The following DNMT3B variants were observed in gnomAD, a reference collection of about 807,000 sequenced individuals.
The protein encoded by DNMT3B is DNA methyltransferase 3 beta, also known as DNA (cytosine-5)-methyltransferase 3B.
A neutral mutation model predicts 120.2 loss-of-function variants in DNMT3B; 37 were observed. The ratio of observed to expected loss-of-function variants is 0.31; its 90% confidence interval spans 0.24 to 0.40. The LOEUF is 0.40. Among genes scored for constraint, DNMT3B ranks in the 10% least tolerant of loss-of-function variants. The pLI is 1.00. For synonymous variants in DNMT3B, 412 were observed against 442.8 expected, an observed-to-expected ratio of 0.93 and a Z score of 0.87; for missense variants, 878 against 1,137.3, an observed-to-expected ratio of 0.77 and a Z score of 3.28.
intron 20 of DNMT3B, among the ~76,000 whole-genome samples, chr20:32,802,749 C>T (rs1374484882): frequency 6.6e-6 from 1 of 152,044 alleles, no homozygotes; most frequent in African/African-American, 2.4e-5. Flanking sequence ...CCTGTAATCC[C>T]AGCACTTTGG....
At chr20:32,794,366 C>T (rs866390236) in intron 10 of DNMT3B, among the ~76,000 whole-genome samples, 2 of 119,364 alleles carry the variant, frequency 1.7e-5, no homozygotes, top group Non-Finnish European at 3.5e-5. Flanking sequence ...AAAAAAAAAA[C>T]CAAAACAGAA....
chr20:32,807,985 C>T lies in DNMT3B; in HGVS notation c.*82C>T. The T allele has an allele frequency of 1.2e-6, 2 of 1,608,830 alleles. No homozygotes were observed. Among genetic ancestry groups the T allele is most frequent in the Non-Finnish European group, 8.5e-7 (1 of 1,177,092 alleles). The stretch of plus-strand genomic sequence containing the variant: ...GTGATTCCTGAAGGCATCCCCAGGC[C>T]CTGCTCTTCCTCAGCTGTGTGGGTC... On this transcript the variant is annotated 3_prime_UTR_variant, in exon 23 of 23. Coordinates refer to ENST00000328111, the MANE Select transcript of DNMT3B (RefSeq NM_006892.4).
At chr20:32,770,391 C>T (rs1335296522) in intron 1 of DNMT3B, among the ~76,000 whole-genome samples, 7 of 151,878 alleles carry the variant, frequency 4.6e-5, no homozygotes, top group African/African-American at 9.7e-5. Context: ...CAGGTTCAAG[C>T]GATTCTCCTG....
At chr20:32,796,943 C>A (rs1721682806) in intron 13 of DNMT3B, 74 bp downstream of exon 13, 1 of 1,613,966 alleles carries the variant, frequency 6.2e-7, no homozygotes, top group Admixed American at 1.7e-5. Flanking sequence ...CCCAACAGCA[C>A]CTGTGTGGAG....
chr20:32,762,634 C>T lies in DNMT3B; in HGVS notation c.-72C>T. The T allele has an allele frequency of 7.2e-6, 2 of 277,308 alleles. No homozygotes were observed. Among genetic ancestry groups the T allele is most frequent in the Non-Finnish European group, 1.5e-5 (2 of 133,124 alleles). 17.2% of individuals were successfully genotyped at this position (277,308 alleles called of 1,614,324 possible). On this transcript the variant is annotated 5_prime_UTR_variant, in exon 1 of 23. Transcript: ENST00000328111. ...GCGCCCTGCACGGCCGCCAGCCGGC[C>T]TCCCGCCAGCCAGCCCCGACCCGCG...
chr20:32,794,997 T>G (rs547177815), intron 10 of DNMT3B, among the ~76,000 whole-genome samples: 12 of 152,372 alleles, frequency 7.9e-5, no homozygotes, highest in South Asian at 2.1e-4. Flanking sequence ...TTAGTTGACT[T>G]ACTTGTCAGT....
intron 1 of DNMT3B, among the ~76,000 whole-genome samples, chr20:32,779,058 A>G (rs1165165449): frequency 6.6e-6 from 1 of 152,208 alleles, no homozygotes; most frequent in Non-Finnish European, 1.5e-5. Context: ...AGCCCGAGGC[A>G]GGGAGGCCCG....
chr20:32,768,249 G>A, intron 1 of DNMT3B, among the ~76,000 whole-genome samples: 1 of 147,990 alleles, frequency 6.8e-6, no homozygotes, highest in African/African-American at 2.5e-5. Context: ...AGGCTGGAGT[G>A]CAATGGCGGG....
rs1265167324 is a variant in DNMT3B at position 32,795,687 on chromosome 20, C to T, written c.1290C>T (p.Ser430=). 1.2e-6 allele frequency: 2 copies of T among 1,614,128 alleles called. No homozygotes were observed. The highest frequency in any genetic ancestry group is 1.7e-6 in the Non-Finnish European group (2 of 1,180,040). The change falls in exon 12 of 23, where the codon AGC becomes AGT. Residue 430 remains serine, a synonymous_variant. Coordinates refer to ENST00000328111, the MANE Select transcript of DNMT3B (RefSeq NM_006892.4). Reference sequence around the variant, plus strand: ...CAGATGTTGCCAACAACAAGAGCAGCCTGGAAGGTAACGTTCTCTCCCTCC... The same window carrying T: ...CAGATGTTGCCAACAACAAGAGCAGTCTGGAAGGTAACGTTCTCTCCCTCC... ...MASDVANNKS[S]LEDGCLSCGR...
chr20:32,807,337 G>C (rs1982080510), intron 22 of DNMT3B, among the ~76,000 whole-genome samples: 1 of 152,116 alleles, frequency 6.6e-6, no homozygotes, highest in African/African-American at 2.4e-5. Flanking sequence ...CCGGCAGCTG[G>C]GTTTGAAGAG....
intron 7 of DNMT3B, among the ~76,000 whole-genome samples, chr20:32,790,676 C>T (rs1979871871): frequency 6.8e-6 from 1 of 147,768 alleles, no homozygotes; most frequent in African/African-American, 2.5e-5. Flanking sequence ...CTTTCAGTTC[C>T]TTTTTTTTTT....
chr20:32,792,744 G>T lies in DNMT3B; in HGVS notation c.1040G>T (p.Gly347Val), dbSNP rs770469129. ...HGGFKPTGIE[G>V]LKPNNTQPVV... ...GGCTTCAAGCCCACTGGGATCGAGG[G>T]CCTCAAACCCAACAACACGCAACCA... Residue 347 changes from glycine to valine, a missense_variant, in exon 9 of 23, where the codon GGC (glycine) becomes GTC (valine). Gly to Val is a moderately radical substitution (Grantham distance 109, BLOSUM62 -3). Coordinates refer to ENST00000328111, the MANE Select transcript of DNMT3B (RefSeq NM_006892.4). 4.3e-6 allele frequency: 7 copies of T among 1,614,196 alleles called. No individual in the cohort carries two copies. The highest frequency in any genetic ancestry group is 5.9e-6 in the Non-Finnish European group (7 of 1,180,034).
chr20:32,776,191 T>C (rs1221027324), intron 1 of DNMT3B, among the ~76,000 whole-genome samples: 5 of 150,284 alleles, frequency 3.3e-5, no homozygotes, highest in Non-Finnish European at 7.4e-5. Context: ...ATCGCGCCAC[T>C]GCACTCCAGC....
intron 1 of DNMT3B, among the ~76,000 whole-genome samples, chr20:32,772,086 T>G (rs1382981495): frequency 1.3e-5 from 2 of 152,198 alleles, no homozygotes; most frequent in Non-Finnish European, 2.9e-5. Flanking sequence ...TGCCCCCTAT[T>G]GTGGAAGCAG....
rs777499803 is a variant in DNMT3B at position 32,792,669 on chromosome 20, G to A, written c.965G>A (p.Gly322Glu). ...RAGKTFPSSP[G>E]DSLEDQLKPM... The stretch of plus-strand genomic sequence containing the variant: ...GGCAAGACCTTCCCCAGCAGCCCTG[G>A]AGACTCATTGGAGGACCAGCTGAAG... The change falls in exon 9 of 23, where the codon GGA becomes GAA. Residue 322 changes from glycine to glutamate, a missense_variant. By Grantham distance (98) the Gly-to-Glu change is moderately conservative (BLOSUM62 -2). Coordinates refer to ENST00000328111, the MANE Select transcript of DNMT3B (RefSeq NM_006892.4). 7.4e-6 allele frequency: 12 copies of A among 1,614,258 alleles called. No individual in the cohort carries two copies. Among genetic ancestry groups the A allele is most frequent in the Non-Finnish European group, 1.0e-5 (12 of 1,180,048 alleles).
At chr20:32,786,747 C>G in intron 5 of DNMT3B, 120 bp downstream of exon 5, 1 of 1,523,978 alleles carries the variant, frequency 6.6e-7, no homozygotes, top group South Asian at 1.2e-5. Context: ...CACTGCTTTT[C>G]AGGTTCTTGC....
intron 7 of DNMT3B, among the ~76,000 whole-genome samples, chr20:32,791,233 A>C (rs911289538): frequency 6.6e-6 from 1 of 152,232 alleles, no homozygotes; most frequent in African/African-American, 2.4e-5. Context: ...CAAACCCTCA[A>C]TGCTGGAGCA....
At chr20:32,764,619 G>T (rs906059300) in intron 1 of DNMT3B, among the ~76,000 whole-genome samples, 4 of 152,298 alleles carry the variant, frequency 2.6e-5, no homozygotes, top group Middle Eastern at 3.4e-3. Flanking sequence ...TTTTATAAGG[G>T]TTGGGGCCGT....
chr20:32,772,977 C>T (rs185483169), intron 1 of DNMT3B, among the ~76,000 whole-genome samples: 1 of 151,446 alleles, frequency 6.6e-6, no homozygotes, highest in Admixed American at 6.6e-5. Context: ...GTGCCACCAC[C>T]CCGGCTAATT....
Sources: gnomAD v4.1 joint callset for allele counts (sites outside exome capture counted in the v4.1 genomes callset) on GRCh38, gnomAD v4.1.1 for gene constraint, MANE v1.5 for transcripts, NCBI Gene and HGNC (gene_info 2026-07-23, HGNC 2026-07-21) for gene names.